The following TTC13 variants were observed in gnomAD, a reference collection of about 807,000 sequenced individuals.
TTC13 encodes the protein tetratricopeptide repeat domain 13.
TTC13 carries 62 observed loss-of-function variants against 120.0 expected under a neutral mutation model. The observed-to-expected ratio is 0.52, with a 90% CI of 0.42 to 0.64. The LOEUF (loss-of-function observed/expected upper bound fraction) is 0.64. TTC13 is among the 30% of genes least tolerant of loss of function. The probability of loss-of-function intolerance (pLI) is 0.00; values close to 1 mark genes in which losing one functional copy is unlikely to be tolerated. For missense variants in TTC13, 824 were observed against 1,050.2 expected, an observed-to-expected ratio of 0.78 and a Z score of 2.98; for synonymous variants, 384 against 393.5, an observed-to-expected ratio of 0.98 and a Z score of 0.28.
intron 3 of TTC13, among the ~76,000 whole-genome samples, 163 bp downstream of exon 3, chr1:230,958,061 T>C (rs541643549): frequency 1.3e-5 from 2 of 151,684 alleles, no homozygotes; most frequent in African/African-American, 2.4e-5. Flanking sequence ...TCTTGACATA[T>C]AATAAATGGA....
chr1:230,976,322 T>C (rs529899650), intron 1 of TTC13, among the ~76,000 whole-genome samples: 98 of 152,278 alleles, frequency 6.4e-4, no homozygotes, highest in Middle Eastern at 6.8e-3. Context: ...GCACGGTTAG[T>C]TGTAAATCCC....
At chr1:230,925,752 C>T in intron 12 of TTC13, 105 bp from the exon 13 acceptor site, 1 of 1,265,510 alleles carries the variant, frequency 7.9e-7, no homozygotes, top group East Asian at 2.4e-5. Context: ...ACTAATGAAG[C>T]AGTCTACGAC....
chr1:230,908,361 A>T (rs1018125770), intron 22 of TTC13: 3 of 454,920 alleles, frequency 6.6e-6, no homozygotes, highest in African/African-American at 4.0e-5. Flanking sequence ...CTAATTTTAA[A>T]TTTTTTTGTA....
intron 4 of TTC13, among the ~76,000 whole-genome samples, chr1:230,953,241 T>C (rs1675755475): frequency 6.6e-6 from 1 of 152,206 alleles, no homozygotes; most frequent in South Asian, 2.1e-4. Flanking sequence ...TCCAAAGACC[T>C]CAAAGTAATA....
chr1:230,925,726 C>T (rs1217658938), intron 12 of TTC13, 79 bp from the exon 13 acceptor site: 1 of 1,527,414 alleles, frequency 6.5e-7, no homozygotes, highest in East Asian at 2.3e-5. Context: ...GAAGCAGTCA[C>T]TTCCTCCACG....
intron 1 of TTC13, among the ~76,000 whole-genome samples, chr1:230,962,231 C>G (rs1384938157): frequency 6.6e-6 from 1 of 151,146 alleles, no homozygotes. Context: ...AAATGATACA[C>G]ACTATGAGTC....
At chr1:230,936,229 T>C (rs1031040329) in intron 8 of TTC13, 1 of 456,148 alleles carries the variant, frequency 2.2e-6, no homozygotes, top group African/African-American at 2.0e-5. Context: ...GGTTTCGGGG[T>C]TCCTGTCTAA....
chr1:230,940,511 T>C lies in TTC13; in HGVS notation c.718A>G (p.Thr240Ala). 6.2e-7 allele frequency: 1 copy of C among 1,613,846 alleles called. No homozygotes were observed. The highest frequency in any genetic ancestry group is 8.5e-7 in the Non-Finnish European group (1 of 1,179,904). Residue 240 changes from threonine to alanine, a missense_variant, in exon 7 of 23, where the codon ACT (threonine) becomes GCT (alanine). Physicochemically the swap from Thr to Ala is moderately conservative, Grantham distance 58. Transcript: ENST00000366661. The surrounding 1 kb of genome is among the most constrained non-coding windows in gnomAD (Gnocchi z 4.1). ...GRINEAVNDL[T>A]KAIQLQPSAR... is the part of the protein sequence containing the mutation. ...GAGGGCTGCAGTTGGATAGCTTTAGTGAGGTCATTCACTGCTTCATTAATT... is the reference window on the plus strand; with the variant it reads ...GAGGGCTGCAGTTGGATAGCTTTAGCGAGGTCATTCACTGCTTCATTAATT...
intron 17 of TTC13, 89 bp from the exon 18 acceptor site, chr1:230,916,391 T>C (rs1048894441): frequency 4.9e-6 from 5 of 1,013,554 alleles, no homozygotes; most frequent in Admixed American, 3.4e-5. Context: ...CTACCTTACA[T>C]GTTTTTAAAA....
intron 18 of TTC13, among the ~76,000 whole-genome samples, chr1:230,913,324 G>A (rs1488262766): frequency 2.0e-5 from 3 of 152,192 alleles, no homozygotes; most frequent in Non-Finnish European, 2.9e-5. Context: ...AAGCTCAGCT[G>A]CTGCCTTGAT....
At chr1:230,921,388 T>C in intron 16 of TTC13, 33 bp downstream of exon 16, 1 of 1,195,204 alleles carries the variant, frequency 8.4e-7, no homozygotes. Context: ...TGAAATCAAC[T>C]CATTACTAAG....
rs867617032 is a variant in TTC13, at chr1:230,943,814, G to A, written c.664C>T (p.Arg222Ter). The stretch of plus-strand genomic sequence containing the variant: ...AAGAAAGCCACACTCACTTCTGCTC[G>A]CTGCTCAAATACCTCTGGACGATCT... ...EPDRPEVFEQ[R>*]AEILSPLGRI... is the part of the protein sequence containing the mutation. Residue 222 changes from arginine to a stop codon, truncating the protein, a stop_gained, in exon 6 of 23, where the codon CGA (arginine) becomes TGA (stop). Coordinates refer to ENST00000366661, the MANE Select transcript of TTC13 (RefSeq NM_024525.5). LOFTEE classifies it high-confidence loss of function. 1.2e-5 allele frequency: 19 copies of A among 1,606,086 alleles called. No homozygotes were observed. The highest frequency in any genetic ancestry group is 5.4e-5 in the African/African-American group (4 of 74,686).
At chr1:230,925,714 G>A in intron 12 of TTC13, 67 bp from the exon 13 acceptor site, 5 of 1,572,692 alleles carry the variant, frequency 3.2e-6, no homozygotes, top group Non-Finnish European at 4.4e-6. Flanking sequence ...AATTCCACCT[G>A]AGAAGCAGTC....
chr1:230,938,016 G>C (rs531456014), intron 8 of TTC13, among the ~76,000 whole-genome samples: 21 of 152,340 alleles, frequency 1.4e-4, no homozygotes, highest in African/African-American at 5.1e-4. Flanking sequence ...CCTTAACACT[G>C]AGGATTTGCA....
intron 14 of TTC13, 22 bp downstream of exon 14, chr1:230,924,819 T>C: frequency 6.2e-7 from 1 of 1,613,946 alleles, no homozygotes; most frequent in South Asian, 1.1e-5. Context: ...TTATAGTTTA[T>C]TTTCACTGAG....
chr1:230,916,989 A>T (rs570695500), intron 17 of TTC13, among the ~76,000 whole-genome samples: 2 of 149,352 alleles, frequency 1.3e-5, no homozygotes, highest in South Asian at 2.1e-4. Flanking sequence ...AATATTGCCA[A>T]TTTTTTTTTT....
At position 230,942,957 on chromosome 1, in the gene TTC13, G is replaced by C. The variant is rs1377436583; in HGVS notation, c.672+849C>G. On this transcript the variant is annotated intron_variant, in intron 6 of 22. Coordinates refer to ENST00000366661, the MANE Select transcript of TTC13 (RefSeq NM_024525.5). The surrounding 1 kb of genome is among the most constrained non-coding windows in gnomAD (Gnocchi z 4.0). ...CACATATTATCTGTCTCTATGTCAA[G>C]TTCCTTTAAGATGTGGCTGTCATCA... Among the ~76,000 whole-genome samples, 1 of 152,164 alleles carries C rather than the reference G, an allele frequency of 6.6e-6. No homozygotes were observed. The highest frequency in any genetic ancestry group is 1.9e-4 in the East Asian group (1 of 5,196).
intron 12 of TTC13, among the ~76,000 whole-genome samples, chr1:230,928,493 T>C (rs1673245326): frequency 6.6e-6 from 1 of 152,194 alleles, no homozygotes; most frequent in Non-Finnish European, 1.5e-5. Flanking sequence ...ATCTTCTAGG[T>C]TTCCTTTGTA....
chr1:230,916,365 CT>C, intron 17 of TTC13, 63 bp from the exon 18 acceptor site: 1 of 1,151,964 alleles, frequency 8.7e-7, no homozygotes, highest in Non-Finnish European at 1.3e-6. Flanking sequence ...CCAACTGCAA[CT>C]CTGTAGTGCT....
Sources: gnomAD v4.1 joint callset for allele counts (sites outside exome capture counted in the v4.1 genomes callset) on GRCh38, gnomAD v4.1.1 for gene constraint, Gnocchi (gnomAD v3.1) non-coding constraint, MANE v1.5 for transcripts, NCBI Gene and HGNC (gene_info 2026-07-23, HGNC 2026-07-21) for gene names.